ZZEF1: variants seen among roughly 807,000 people sequenced by gnomAD.
ZZEF1 encodes zinc finger ZZ-type and EF-hand domain-containing protein 1.
In ZZEF1, 157 loss-of-function variants were observed where a neutral mutation model predicts 342.8. The ratio of observed to expected loss-of-function variants is 0.46; its 90% CI spans 0.40 to 0.52. The LOEUF (loss-of-function observed/expected upper bound fraction) is 0.52. ZZEF1 is among the 20% of genes least tolerant of loss of function. The pLI, the probability that ZZEF1 is intolerant of heterozygous loss-of-function variation, is 0.00. For missense variants in ZZEF1, 3,480 were observed against 3,725.6 expected (o/e 0.93, Z 1.72); for synonymous variants, 1,505 against 1,429.1 (o/e 1.05, Z -1.20).
In ZZEF1 at chr17:4,058,164, C is replaced by T. The variant is rs768260221; in HGVS notation, c.5004-9G>A. On this transcript the variant is annotated splice_polypyrimidine_tract_variant and intron_variant, in intron 31 of 54. Coordinates refer to ENST00000381638, the MANE Select transcript of ZZEF1 (RefSeq NM_015113.4). Reference sequence around the variant, plus strand: ...AGGCAGGGAGCAAGGACCTAAAGGGCCATGAAAGTGACCATTAGCAGAGCT... The same window carrying T: ...AGGCAGGGAGCAAGGACCTAAAGGGTCATGAAAGTGACCATTAGCAGAGCT... The T allele has an allele frequency of 1.2e-6, 2 of 1,607,832 alleles. No individual in the cohort carries two copies. Among genetic ancestry groups the T allele is most frequent in the Admixed American group, 3.4e-5 (2 of 59,052 alleles).
At chr17:4,091,992 C>T (rs1444237062) in intron 11 of ZZEF1, among the ~76,000 whole-genome samples, 3 of 151,358 alleles carry the variant, frequency 2.0e-5, no homozygotes, top group African/African-American at 4.9e-5. Context: ...AGGGGAATTG[C>T]TTGAACCCAG....
In ZZEF1 at chr17:4,064,686, C is replaced by T. The variant is rs755855960; in HGVS notation, c.4393G>A (p.Val1465Met). ...PLNKRQRTSS[V>M]VEEHFQASVS... The stretch of plus-strand genomic sequence containing the variant: ...GAGGCTTGGAAATGCTCTTCCACCA[C>T]AGAGCTTGTCCTCTGACGCTTGTTG... Residue 1465 changes from valine to methionine, a missense_variant, in exon 29 of 55, where the codon GTG (valine) becomes ATG (methionine). Physicochemically the swap from Val to Met is conservative, Grantham distance 21. Around this residue, in one of 5 missense-constraint regions of ZZEF1, gnomAD observed 1,528 missense variants for 1,624.1 expected, o/e 0.94. Coordinates refer to ENST00000381638, the MANE Select transcript of ZZEF1 (RefSeq NM_015113.4). 6.2e-7 allele frequency: 1 copy of T among 1,614,210 alleles called. No homozygotes were observed. Among genetic ancestry groups the T allele is most frequent in the Non-Finnish European group, 8.5e-7 (1 of 1,180,040 alleles).
intron 29 of ZZEF1, 28 bp from the exon 30 acceptor site, chr17:4,062,945 C>A (rs973131194): frequency 5.7e-6 from 9 of 1,584,948 alleles, no homozygotes; most frequent in Non-Finnish European, 7.7e-6. Flanking sequence ...GTCAGGAACA[C>A]CCAGAAAACT....
intron 18 of ZZEF1, among the ~76,000 whole-genome samples, chr17:4,079,487 AGTG>A (rs553620268): frequency 3.9e-5 from 6 of 152,228 alleles, no homozygotes; most frequent in Non-Finnish European, 7.3e-5. Flanking sequence ...ATGAGACTGA[AGTG>A]AGTTTTTTAA....
At chr17:4,101,291 A>C (rs1157146034) in intron 9 of ZZEF1, among the ~76,000 whole-genome samples, 1 of 152,040 alleles carries the variant, frequency 6.6e-6, no homozygotes, top group Non-Finnish European at 1.5e-5. Flanking sequence ...ACATACGAGG[A>C]CTCATTGCTG....
rs1246331738 is a variant in ZZEF1, at chr17:4,014,273, T to G, written c.8314+74A>C. 9 of 1,610,444 alleles carry G rather than the reference T, an allele frequency of 5.6e-6. No individual in the cohort carries two copies. The highest frequency in any genetic ancestry group is 5.1e-6 in the Non-Finnish European group (6 of 1,176,974). On this transcript the variant is annotated intron_variant, in intron 50 of 54. Transcript: ENST00000381638. The surrounding 1 kb of genome is among the most constrained non-coding windows in gnomAD (Gnocchi z 4.4). ...GGTGTTGGGTTTCAACATTCTCCAG[T>G]AAGTTCCCTTCTCAATATTAAGTTT...
In ZZEF1 at chr17:4,087,511, T is replaced by C. The variant is rs1450859537; in HGVS notation, c.2265A>G (p.Leu755=). 6.2e-7 allele frequency: 1 copy of C among 1,609,820 alleles called. No homozygotes were observed. Among genetic ancestry groups the C allele is most frequent in the Non-Finnish European group, 8.5e-7 (1 of 1,178,940 alleles). Residue 755 remains leucine (L), a synonymous_variant, in exon 14 of 55, where the codon TTA becomes TTG. Transcript: ENST00000381638. ...HDLVQQKESG[L]KYKSFLDFAG... ...CGAAGTCCAGAAAAGATTTATATTTTAAGCCACTTTCCTTCTGCTGCACCT... is the reference window on the plus strand; with the variant it reads ...CGAAGTCCAGAAAAGATTTATATTTCAAGCCACTTTCCTTCTGCTGCACCT...
At chr17:4,026,515 T>C (rs1038413130) in intron 42 of ZZEF1, among the ~76,000 whole-genome samples, 3 of 151,714 alleles carry the variant, frequency 2.0e-5, no homozygotes, top group African/African-American at 7.3e-5. Flanking sequence ...CAAACATCTT[T>C]TTTTTTTCTT....
Position 4,014,253 on chromosome 17 carries a change from TG to T in ZZEF1, c.8315-66del, listed in dbSNP as rs955911892. On this transcript the variant is annotated intron_variant, in intron 50 of 54. Coordinates refer to ENST00000381638, the MANE Select transcript of ZZEF1 (RefSeq NM_015113.4). The surrounding 1 kb of genome is among the most constrained non-coding windows in gnomAD (Gnocchi z 4.4). ...CAACAGGGAATGGCAGCAGTGGTGT[TG>T]GGTTTCAACATTCTCCAGTAAGTTC... The T allele has an allele frequency of 3.1e-6, 5 of 1,611,012 alleles. No homozygotes were observed. In the African/African-American group the frequency reaches 6.7e-5, roughly 22 times the overall value.
At chr17:4,076,518 G>T in intron 21 of ZZEF1, 119 bp downstream of exon 21, 1 of 1,308,718 alleles carries the variant, frequency 7.6e-7, no homozygotes. Context: ...ATAAAATCAA[G>T]GGAGCCTTCT....
chr17:4,138,377 C>T (rs1206995544), intron 1 of ZZEF1, among the ~76,000 whole-genome samples: 3 of 152,220 alleles, frequency 2.0e-5, no homozygotes, highest in Non-Finnish European at 2.9e-5. Context: ...TTTCTACAAA[C>T]TTCCTGTAAA....
intron 43 of ZZEF1, 67 bp from the exon 44 acceptor site, chr17:4,022,895 C>G: frequency 6.3e-7 from 1 of 1,577,808 alleles, no homozygotes; most frequent in Middle Eastern, 1.7e-4. Context: ...TTAGCTGTAA[C>G]TCAGTCTGTT....
In ZZEF1 at chr17:4,036,457, G is replaced by T. The variant is rs187932568; in HGVS notation, c.6307-2165C>A. On this transcript the variant is annotated intron_variant, in intron 39 of 54. Coordinates refer to ENST00000381638, the MANE Select transcript of ZZEF1 (RefSeq NM_015113.4). ...GTTTGAGAATCACTGCTCTAAGGCC[G>T]GGCGCGGTGGCTCACGCCTGTAATC... Among the ~76,000 whole-genome samples the T allele has an allele frequency of 1.2e-3, 187 of 152,042 alleles. 1 individual carries two copies. Among genetic ancestry groups the T allele is most frequent in the Non-Finnish European group, 2.2e-3 (147 of 67,968 alleles).
chr17:4,109,617 T>C (rs535786582), intron 6 of ZZEF1, 36 bp downstream of exon 6: 8 of 1,605,132 alleles, frequency 5.0e-6, no homozygotes, highest in South Asian at 3.3e-5. Flanking sequence ...AATGAGGGCA[T>C]GTTGAGGGGG....
intron 6 of ZZEF1, among the ~76,000 whole-genome samples, chr17:4,107,691 C>CA (rs1402228540): frequency 6.6e-6 from 1 of 152,058 alleles, no homozygotes; most frequent in Non-Finnish European, 1.5e-5. Flanking sequence ...TGAGTAAGTA[C>CA]AAAAAATGTA....
At chr17:4,128,072 G>A (rs2058600879) in intron 1 of ZZEF1, among the ~76,000 whole-genome samples, 1 of 152,146 alleles carries the variant, frequency 6.6e-6, no homozygotes. Context: ...GAGGCCAGAT[G>A]CGGTGGCTCA....
At chr17:4,135,893 T>C (rs28588075) in intron 1 of ZZEF1, among the ~76,000 whole-genome samples, 22,776 of 151,486 alleles carry the variant, frequency 0.15, 1,946 homozygotes, top group African/African-American at 0.21. Flanking sequence ...TCCAGTAAAA[T>C]ACATTTTGCA....
chr17:4,020,764 A>G (rs1426023808), intron 45 of ZZEF1, among the ~76,000 whole-genome samples: 2 of 152,250 alleles, frequency 1.3e-5, no homozygotes, highest in African/African-American at 4.8e-5. Flanking sequence ...AGTAAAGGTA[A>G]GAGTGTATTT....
At chr17:4,118,976 A>G (rs979720471) in intron 2 of ZZEF1, among the ~76,000 whole-genome samples, 1 of 152,214 alleles carries the variant, frequency 6.6e-6, no homozygotes, top group Non-Finnish European at 1.5e-5. Context: ...AGTGATCAAG[A>G]TCTCTGCAAA....
Sources: gnomAD v4.1 joint callset for allele counts (sites outside exome capture counted in the v4.1 genomes callset) on GRCh38, gnomAD v4.1.1 for gene constraint, gnomAD v4.1.1 regional missense constraint, Gnocchi (gnomAD v3.1) non-coding constraint, MANE v1.5 for transcripts, NCBI Gene and HGNC (gene_info 2026-07-23, HGNC 2026-07-21) for gene names.